Variants in IVD observed in about 807,000 individuals in gnomAD.
The protein encoded by IVD is isovaleryl-CoA dehydrogenase, mitochondrial.
IVD carries 31 observed loss-of-function variants against 51.3 expected under a neutral mutation model. The ratio of observed to expected loss-of-function variants is 0.60; its 90% CI spans 0.45 to 0.81. IVD has a LOEUF of 0.81. IVD is among the 40% of genes least tolerant of loss of function. The pLI is 0.00. For synonymous variants in IVD, 205 were observed against 219.4 expected, an observed-to-expected ratio of 0.93 and a Z score of 0.58; for missense variants, 475 against 552.0, an observed-to-expected ratio of 0.86 and a Z score of 1.40.
Position 40,415,384 on chromosome 15 carries a change from T to C in IVD, c.879-17T>C. ...GGGATGAGGAGGTGCCCACGGGGCCTTTCTCCTTTCTGACAGGCTCATGCA... is the reference window on the plus strand; with the variant it reads ...GGGATGAGGAGGTGCCCACGGGGCCCTTCTCCTTTCTGACAGGCTCATGCA... On this transcript the variant is annotated splice_polypyrimidine_tract_variant and intron_variant, in intron 8 of 11. Transcript: ENST00000487418. The C allele has an allele frequency of 6.2e-7, 1 of 1,612,240 alleles. No individual in the cohort carries two copies. Among genetic ancestry groups the C allele is most frequent in the African/African-American group, 1.3e-5 (1 of 74,984 alleles).
At chr15:40,415,048 G>A in intron 8 of IVD, 66 bp downstream of exon 8, 1 of 1,578,900 alleles carries the variant, frequency 6.3e-7, no homozygotes, top group South Asian at 1.1e-5. Context: ...CCCACCATGA[G>A]CAGCAGCAGC....
chr15:40,411,737 A>G (rs530698849), intron 6 of IVD, 46 bp downstream of exon 6: 90 of 1,602,532 alleles, frequency 5.6e-5, no homozygotes, highest in Non-Finnish European at 7.4e-5. Context: ...GCCTCCTGAC[A>G]GTGGTACCAG....
downstream of IVD, among the ~76,000 whole-genome samples, chr15:40,428,796 G>A (rs548045924): frequency 9.2e-5 from 14 of 152,290 alleles, 1 homozygote; most frequent in South Asian, 1.7e-3. Flanking sequence ...GCCAATAGGG[G>A]CAACAAGACA....
At chr15:40,415,504 A>C (rs1354444958) in intron 9 of IVD, 22 bp downstream of exon 9, 2 of 1,604,726 alleles carry the variant, frequency 1.2e-6, no homozygotes, top group African/African-American at 1.3e-5. Context: ...GCTTTTGCTG[A>C]CATGTACTCT....
rs2141331170 is a variant in IVD, at chr15:40,411,592, C to T, written c.588C>T (p.Ile196=). The change falls in exon 6 of 12, where the codon ATC becomes ATT. Residue 196 remains isoleucine, a synonymous_variant. Coordinates refer to ENST00000487418, the MANE Select transcript of IVD (RefSeq NM_002225.5). ...TCCTGAATGGCAACAAGTTCTGGAT[C>T]ACTAATGGCCCTGATGCTGACGTCC... The part of the protein sequence containing the change: ...HYILNGNKFW[I]TNGPDADVLI... 1 of 1,614,190 alleles carries T rather than the reference C, an allele frequency of 6.2e-7. No homozygotes were observed. The highest frequency in any genetic ancestry group is 1.6e-4 in the Middle Eastern group (1 of 6,062).
chr15:40,407,744 G>C lies in IVD; in HGVS notation c.234+19G>C, dbSNP rs752097277. The C allele has an allele frequency of 6.3e-7, 1 of 1,599,434 alleles. No homozygotes were observed. Among genetic ancestry groups the C allele is most frequent in the South Asian group, 1.1e-5 (1 of 90,712 alleles). On this transcript the variant is annotated intron_variant, in intron 2 of 11. Transcript: ENST00000487418. ...CCTGCGAGTGAGTTGGGAGGTCCGG[G>C]CAGTCGGGGGCAGTCAGGGAGTGGG...
Position 40,416,994 on chromosome 15 carries a change from G to C in IVD, c.1138+632G>C, listed in dbSNP as rs927068774. On this transcript the variant is annotated intron_variant, in intron 11 of 11. Coordinates refer to ENST00000487418, the MANE Select transcript of IVD (RefSeq NM_002225.5). ...GCCAGTGAATCACCTGAGATCAGGA[G>C]TTTGAGACCAGCCTGGCCAACATGG... is the stretch of plus-strand genomic sequence containing the variant. Among the ~76,000 whole-genome samples, 5 of 152,108 alleles carry C rather than the reference G, an allele frequency of 3.3e-5. No homozygotes were observed. In the South Asian group the frequency reaches 1.0e-3, roughly 32 times the overall value.
intron 8 of IVD, 89 bp downstream of exon 8, chr15:40,415,071 G>A: frequency 6.8e-7 from 1 of 1,477,382 alleles, no homozygotes; most frequent in Non-Finnish European, 9.3e-7. Flanking sequence ...TCCCCTTGCG[G>A]GGCCAAAGGG....
chr15:40,416,942 G>A (rs201640174), intron 11 of IVD, among the ~76,000 whole-genome samples: 4 of 152,038 alleles, frequency 2.6e-5, no homozygotes, highest in Admixed American at 6.5e-5. Flanking sequence ...GCTCACACCT[G>A]TAATTCCAAC....
intron 1 of IVD, 26 bp from the exon 2 acceptor site, chr15:40,407,610 G>C: frequency 1.3e-6 from 2 of 1,553,598 alleles, no homozygotes; most frequent in Non-Finnish European, 1.8e-6. Flanking sequence ...GTCTGCAGTG[G>C]CATCTGTTTA....
chr15:40,418,540 T>G lies in IVD; in HGVS notation c.*277T>G, dbSNP rs545271626. ...GTTGGGACAGGTTTTGGTGACTCTGTGCCCTTGCTCTCTAACTTCTGAGCC... is the reference window on the plus strand; with the variant it reads ...GTTGGGACAGGTTTTGGTGACTCTGGGCCCTTGCTCTCTAACTTCTGAGCC... On this transcript the variant is annotated 3_prime_UTR_variant, in exon 12 of 12. Transcript: ENST00000487418. 5.6e-6 allele frequency: 7 copies of G among 1,249,832 alleles called. No individual in the cohort carries two copies. The South Asian group carries it at 9.2e-5, about 16-fold the overall frequency. The allele number at this position is 1,249,832 out of a possible 1,614,324, so 77.4% of individuals were successfully genotyped here. A position where few individuals can be genotyped will look rare whatever the true frequency, so the allele number is the denominator to read the frequency against.
chr15:40,415,507 T>C, intron 9 of IVD, 25 bp downstream of exon 9: 1 of 1,601,726 alleles, frequency 6.2e-7, no homozygotes, highest in Non-Finnish European at 8.6e-7. Flanking sequence ...TTTGCTGACA[T>C]GTACTCTTCA....
Position 40,410,739 on chromosome 15 carries a change from G to C in IVD, c.398G>C (p.Cys133Ser), listed in dbSNP as rs1016330212. The C allele has an allele frequency of 6.2e-7, 1 of 1,614,160 alleles. No individual in the cohort carries two copies. The highest frequency in any genetic ancestry group is 8.5e-7 in the Non-Finnish European group (1 of 1,180,010). The change falls in exon 4 of 12, where the codon TGC (cysteine) becomes TCC (serine). Residue 133 changes from cysteine to serine, a missense_variant. Coordinates refer to ENST00000487418, the MANE Select transcript of IVD (RefSeq NM_002225.5). ...AGTTACGGTGCCCACTCCAACCTCTGCATCAACCAGCTTGTACGCAATGGG... is the reference window on the plus strand; with the variant it reads ...AGTTACGGTGCCCACTCCAACCTCTCCATCAACCAGCTTGTACGCAATGGG... The part of the protein sequence containing the change: ...GLSYGAHSNL[C>S]INQLVRNGNE...
chr15:40,406,466 G>A, intron 1 of IVD: 1 of 652,258 alleles, frequency 1.5e-6, no homozygotes, highest in South Asian at 1.6e-5. Flanking sequence ...CAGCCCATTG[G>A]GTCAAAACAC....
rs1892267790 is a variant in IVD, at chr15:40,421,194, G to A, written c.*2931G>A. 1 of 985,478 alleles carries A rather than the reference G, an allele frequency of 1.0e-6. No individual in the cohort carries two copies. The highest frequency in any genetic ancestry group is 1.2e-6 in the Non-Finnish European group (1 of 829,946). 61.0% of individuals were successfully genotyped at this position (985,478 alleles called of 1,614,324 possible). ...CCTGGAGACAATGTGGCAAAATGGG[G>A]CGCTTCATCCAGTCTGTCTAAGCCC... On this transcript the variant is annotated 3_prime_UTR_variant, in exon 12 of 12. Coordinates refer to ENST00000487418, the MANE Select transcript of IVD (RefSeq NM_002225.5).
At chr15:40,422,585 C>CT (rs1157351420), downstream of IVD, among the ~76,000 whole-genome samples, 445 of 69,106 alleles carry the variant, frequency 6.4e-3, 30 homozygotes, top group African/African-American at 0.03. Context: ...GCCCGGCCGA[C>CT]TTTTTTTTTT....
At chr15:40,424,107 T>A (rs1158013334), downstream of IVD, 1 of 1,248,696 alleles carries the variant, frequency 8.0e-7, no homozygotes, top group Non-Finnish European at 1.0e-6. Context: ...GATCTTAACA[T>A]CCTGCCAACT....
intron 3 of IVD, among the ~76,000 whole-genome samples, chr15:40,409,556 G>A (rs2141315497): frequency 6.6e-6 from 1 of 152,304 alleles, no homozygotes; most frequent in East Asian, 1.9e-4. Context: ...GTAGGGGCAG[G>A]TCAAGGTTTC....
chr15:40,434,650 G>A (rs1181657543), intron 8 of IVD, among the ~76,000 whole-genome samples: 1 of 152,218 alleles, frequency 6.6e-6, no homozygotes, highest in Non-Finnish European at 1.5e-5. Context: ...TGAGCTTCAG[G>A]AGAGTTTCAC....
Sources: gnomAD v4.1 joint callset for allele counts (sites outside exome capture counted in the v4.1 genomes callset) on GRCh38, gnomAD v4.1.1 for gene constraint, MANE v1.5 for transcripts, NCBI Gene and HGNC (gene_info 2026-07-23, HGNC 2026-07-21) for gene names.